Variants in ARHGAP26 observed in about 807,000 individuals in gnomAD.
ARHGAP26 encodes the protein Rho GTPase activating protein 26, also known as rho GTPase-activating protein 26.
A neutral mutation model predicts 104.8 loss-of-function variants in ARHGAP26; 38 were observed. The ratio of observed to expected loss-of-function variants is 0.36; its 90% confidence interval spans 0.28 to 0.48. The LOEUF (loss-of-function observed/expected upper bound fraction) is 0.48, where lower values mean the gene tolerates loss of function less well. ARHGAP26 is among the 20% of genes least tolerant of loss of function. The pLI is 0.99. For missense variants in ARHGAP26, 704 were observed against 947.9 expected, an observed-to-expected ratio of 0.74 and a Z score of 3.38; for synonymous variants, 341 against 340.0, an observed-to-expected ratio of 1.00 and a Z score of -0.03.
intron 20 of ARHGAP26, among the ~76,000 whole-genome samples, chr5:143,193,270 C>A: frequency 9.7e-6 from 1 of 102,854 alleles, no homozygotes; most frequent in Admixed American, 1.3e-4. Context: ...TTTTTTGAGG[C>A]AGAGTCTCGC....
At chr5:142,990,182 T>C (rs891986439) in intron 11 of ARHGAP26, among the ~76,000 whole-genome samples, 11 of 152,294 alleles carry the variant, frequency 7.2e-5, no homozygotes, top group Admixed American at 4.6e-4. Context: ...TAAACTTCTC[T>C]TCTCGCTTCA....
chr5:143,153,264 C>G lies in ARHGAP26; in HGVS notation c.1988+5883C>G, dbSNP rs3776274. ...AATATTGGAATGGAAAGCAGGAAACCCTAGGTTTTAGTTCTGGCATCGACA... is the reference window on the plus strand; with the variant it reads ...AATATTGGAATGGAAAGCAGGAAACGCTAGGTTTTAGTTCTGGCATCGACA... On this transcript the variant is annotated intron_variant, in intron 20 of 22. Coordinates refer to ENST00000645722, the MANE Select transcript of ARHGAP26 (RefSeq NM_001135608.3). 1.0e-3 allele frequency among the ~76,000 whole-genome samples: 158 copies of G among 152,186 alleles called. 3 individuals are homozygous for G. In the East Asian group the frequency reaches 0.025, roughly 24 times the overall value.
At chr5:143,191,728 A>G (rs979207202) in intron 20 of ARHGAP26, among the ~76,000 whole-genome samples, 1 of 152,230 alleles carries the variant, frequency 6.6e-6, no homozygotes, top group Admixed American at 6.5e-5. Flanking sequence ...GAGCAAGAAC[A>G]ATGCCAGTGG....
rs958123505 is a variant in ARHGAP26 at position 143,228,553 on chromosome 5, A to C, written c.*6107A>C. ...CTTAGTAGCTAAGGCTAGTGTTCAA[A>C]AGCACTCTAAAAGACATTTTGTCCA... is the stretch of plus-strand genomic sequence containing the variant. On this transcript the variant is annotated 3_prime_UTR_variant, in exon 23 of 23. Coordinates refer to ENST00000645722, the MANE Select transcript of ARHGAP26 (RefSeq NM_001135608.3). The C allele has an allele frequency of 4.5e-6, 1 of 220,044 alleles. No individual in the cohort carries two copies. The highest frequency in any genetic ancestry group is 9.1e-6 in the Non-Finnish European group (1 of 109,542). The allele number at this position is 220,044 out of a possible 1,614,324, so 13.6% of individuals were successfully genotyped here.
At chr5:142,999,146 A>G (rs1173942712) in intron 11 of ARHGAP26, among the ~76,000 whole-genome samples, 4 of 152,190 alleles carry the variant, frequency 2.6e-5, no homozygotes, top group Admixed American at 2.0e-4. Context: ...ATTAAGATAC[A>G]GAGAGACGAA....
At chr5:143,099,817 A>T (rs886148619) in intron 17 of ARHGAP26, among the ~76,000 whole-genome samples, 5 of 152,256 alleles carry the variant, frequency 3.3e-5, no homozygotes, top group African/African-American at 1.2e-4. Context: ...GAAAAATTCC[A>T]TTGAGACCAT....
intron 19 of ARHGAP26, among the ~76,000 whole-genome samples, chr5:143,141,418 C>A (rs1174306287): frequency 5.9e-5 from 9 of 152,194 alleles, no homozygotes; most frequent in African/African-American, 2.2e-4. Context: ...GACATTTACA[C>A]ACCAAAATGA....
At chr5:143,096,507 GA>G (rs1414408825) in intron 17 of ARHGAP26, among the ~76,000 whole-genome samples, 1 of 152,106 alleles carries the variant, frequency 6.6e-6, no homozygotes, top group African/African-American at 2.4e-5. Flanking sequence ...GGTGTTTCAT[GA>G]AAAAAGAGGT....
At chr5:143,200,336 T>G (rs1296529592) in intron 20 of ARHGAP26, among the ~76,000 whole-genome samples, 1 of 152,212 alleles carries the variant, frequency 6.6e-6, no homozygotes, top group Non-Finnish European at 1.5e-5. Flanking sequence ...TTCAGGAATT[T>G]ATGCTAAGGA....
chr5:142,771,477 T>A, intron 1 of ARHGAP26: 8 of 1,146,864 alleles, frequency 7.0e-6, no homozygotes, highest in Non-Finnish European at 7.7e-6. Context: ...CCTTGGAGTA[T>A]TGGCAGCCAG....
chr5:142,770,816 C>T lies in ARHGAP26; in HGVS notation c.55C>T (p.Arg19Ter). ...SDCCLDSPHF[R>*]ETLKSHEAEL... The stretch of plus-strand genomic sequence containing the variant: ...CTGCTGCCTCGATAGTCCGCACTTC[C>T]GAGAGACGCTCAAGTCGCACGAAGC... The change falls in exon 1 of 23, where the codon CGA (arginine) becomes TGA (stop). Residue 19 changes from arginine (R) to a stop codon, truncating the protein, a stop_gained. Transcript: ENST00000645722. LOFTEE classifies it high-confidence loss of function. 2 of 1,609,106 alleles carry T rather than the reference C, an allele frequency of 1.2e-6. No individual in the cohort carries two copies. The highest frequency in any genetic ancestry group is 1.1e-5 in the South Asian group (1 of 90,670).
At chr5:143,119,378 G>GA (rs1795866761) in intron 17 of ARHGAP26, among the ~76,000 whole-genome samples, 1 of 152,180 alleles carries the variant, frequency 6.6e-6, no homozygotes, top group African/African-American at 2.4e-5. Context: ...TAAGGACATA[G>GA]AATTTCCTTG....
At chr5:142,949,271 C>T (rs1050579155) in intron 11 of ARHGAP26, among the ~76,000 whole-genome samples, 10 of 101,464 alleles carry the variant, frequency 9.9e-5, no homozygotes, top group East Asian at 7.7e-4. Flanking sequence ...AGAATAGTAG[C>T]GAGCACTACC....
At chr5:143,114,195 T>A (rs996404459) in intron 17 of ARHGAP26, among the ~76,000 whole-genome samples, 3 of 152,180 alleles carry the variant, frequency 2.0e-5, no homozygotes, top group South Asian at 4.1e-4. Context: ...GTTAAATGTG[T>A]TTGGTGAGCC....
At chr5:142,945,491 C>T (rs984301426) in intron 11 of ARHGAP26, among the ~76,000 whole-genome samples, 1 of 152,080 alleles carries the variant, frequency 6.6e-6, no homozygotes, top group African/African-American at 2.4e-5. Flanking sequence ...GAGGCTGCAA[C>T]GTTGAAGGTT....
intron 20 of ARHGAP26, among the ~76,000 whole-genome samples, chr5:143,185,644 G>T (rs190992515): frequency 6.6e-6 from 1 of 152,120 alleles, no homozygotes; most frequent in Non-Finnish European, 1.5e-5. Context: ...TACTTTATCC[G>T]GTTCAGCAAG....
chr5:143,149,527 G>A (rs1417949866), intron 20 of ARHGAP26, among the ~76,000 whole-genome samples: 1 of 152,154 alleles, frequency 6.6e-6, no homozygotes, highest in Non-Finnish European at 1.5e-5. Flanking sequence ...TTTCTGCCTG[G>A]GATTTGCTGG....
At chr5:142,985,406 G>A (rs1774545164) in intron 11 of ARHGAP26, among the ~76,000 whole-genome samples, 1 of 152,078 alleles carries the variant, frequency 6.6e-6, no homozygotes, top group Non-Finnish European at 1.5e-5. Context: ...AATATCTTAG[G>A]CCTTCATGTT....
chr5:142,965,426 C>A (rs890777685), intron 11 of ARHGAP26, among the ~76,000 whole-genome samples: 1 of 152,132 alleles, frequency 6.6e-6, no homozygotes, highest in Non-Finnish European at 1.5e-5. Context: ...CACCTGGCAA[C>A]GGGCGTCTTC....
Sources: allele counts gnomAD v4.1 joint callset (sites outside exome capture counted in the v4.1 genomes callset), GRCh38; gene constraint gnomAD v4.1.1; transcripts MANE v1.5; gene names NCBI Gene and HGNC (gene_info 2026-07-23, HGNC 2026-07-21).